CTNNA2: variants seen among roughly 807,000 people sequenced by gnomAD.
The protein encoded by CTNNA2 is catenin alpha 2.
In CTNNA2, 42 loss-of-function variants were observed where a neutral mutation model predicts 101.0. The observed-to-expected ratio is 0.42, with a 90% CI of 0.32 to 0.54. The LOEUF is 0.54. Ranked by LOEUF, CTNNA2 falls within the 20% of genes least tolerant of loss-of-function variation. CTNNA2 has a pLI of 0.14. For missense variants in CTNNA2, 871 were observed against 1,223.1 expected (o/e 0.71, Z 4.29); for synonymous variants, 450 against 456.4 (o/e 0.99, Z 0.18).
At chr2:79,699,103 A>C (rs1346969997) in intron 2 of CTNNA2, among the ~76,000 whole-genome samples, 1 of 152,102 alleles carries the variant, frequency 6.6e-6, no homozygotes, top group Admixed American at 6.6e-5. Context: ...ATGTAGTACT[A>C]ACTAAAAAAC....
chr2:79,695,716 T>G (rs1478135006), intron 2 of CTNNA2, among the ~76,000 whole-genome samples: 1 of 151,966 alleles, frequency 6.6e-6, no homozygotes, highest in African/African-American at 2.4e-5. Context: ...GGCAGCATGC[T>G]GGTTTCGTTT....
chr2:79,796,394 C>CAAAAAA (rs386390569), intron 3 of CTNNA2, among the ~76,000 whole-genome samples: 1,789 of 94,672 alleles, frequency 0.019, 87 homozygotes, highest in African/African-American at 0.06. Flanking sequence ...GACTCCGTCT[C>CAAAAAA]AAAAAAAAAA....
chr2:79,394,057 C>A (rs911084060), intron 4 of CTNNA2, among the ~76,000 whole-genome samples: 14 of 152,050 alleles, frequency 9.2e-5, no homozygotes, highest in African/African-American at 3.4e-4. Flanking sequence ...GCTTTGCACT[C>A]ATGATTAACG....
intron 4 of CTNNA2, among the ~76,000 whole-genome samples, chr2:79,440,588 A>G (rs920865211): frequency 1.3e-5 from 2 of 152,150 alleles, no homozygotes; most frequent in East Asian, 3.9e-4. Context: ...TCATTTCTAG[A>G]GCTGAATACA....
At chr2:79,771,149 C>T (rs1673543285) in intron 3 of CTNNA2, among the ~76,000 whole-genome samples, 1 of 152,126 alleles carries the variant, frequency 6.6e-6, no homozygotes, top group South Asian at 2.1e-4. Flanking sequence ...GTGGTTTGTA[C>T]TTATTTTAAA....
At chr2:79,952,281 C>A (rs1380872394) in intron 7 of CTNNA2, among the ~76,000 whole-genome samples, 1 of 152,124 alleles carries the variant, frequency 6.6e-6, no homozygotes, top group Non-Finnish European at 1.5e-5. Flanking sequence ...TTCTACCAAG[C>A]CACCCCACAC....
chr2:80,346,307 A>G (rs1672730094), intron 7 of CTNNA2, among the ~76,000 whole-genome samples: 1 of 152,198 alleles, frequency 6.6e-6, no homozygotes, highest in Non-Finnish European at 1.5e-5. Flanking sequence ...GGAAGGCCCC[A>G]GGAAGCTTTT....
intron 8 of CTNNA2, among the ~76,000 whole-genome samples, chr2:80,413,294 A>C (rs1410313679): frequency 6.6e-6 from 1 of 152,168 alleles, no homozygotes; most frequent in African/African-American, 2.4e-5. Context: ...TGATAGAGCT[A>C]ATTGGTTCCA....
chr2:80,183,454 G>A (rs1705917960), intron 7 of CTNNA2, among the ~76,000 whole-genome samples: 2 of 152,168 alleles, frequency 1.3e-5, no homozygotes, highest in South Asian at 4.1e-4. Context: ...AAAATGCTGT[G>A]TAAAAAGAAT....
intron 18 of CTNNA2, among the ~76,000 whole-genome samples, chr2:80,623,434 A>G (rs1671349857): frequency 6.6e-6 from 1 of 151,936 alleles, no homozygotes; most frequent in African/African-American, 2.4e-5. Context: ...ATATCTCAGA[A>G]AAGAAACGAA....
intron 2 of CTNNA2, among the ~76,000 whole-genome samples, chr2:79,215,623 C>T (rs574742406): frequency 6.6e-6 from 1 of 152,202 alleles, no homozygotes; most frequent in African/African-American, 2.4e-5. Flanking sequence ...TGCTGTCAAA[C>T]GAGTCATGTA....
chr2:79,514,334 C>CT (rs1671691620), intron 1 of CTNNA2, among the ~76,000 whole-genome samples: 1 of 152,194 alleles, frequency 6.6e-6, no homozygotes, highest in South Asian at 2.1e-4. Context: ...GCATTAGAGC[C>CT]TTTAACAGAC....
intron 4 of CTNNA2, among the ~76,000 whole-genome samples, chr2:79,432,945 C>T (rs145950402): frequency 9.9e-5 from 15 of 152,278 alleles, no homozygotes; most frequent in African/African-American, 3.6e-4. Flanking sequence ...AAACAAATGG[C>T]AAAGTTGGAT....
intron 3 of CTNNA2, among the ~76,000 whole-genome samples, chr2:79,793,956 T>C (rs547811957): frequency 2.0e-5 from 3 of 148,534 alleles, no homozygotes; most frequent in African/African-American, 5.1e-5. Context: ...ATAAGAATGA[T>C]ACAATGGACT....
At chr2:79,973,397 G>C (rs1179504883) in intron 7 of CTNNA2, among the ~76,000 whole-genome samples, 5 of 152,094 alleles carry the variant, frequency 3.3e-5, no homozygotes, top group Non-Finnish European at 5.9e-5. Flanking sequence ...CTATCTGTTG[G>C]GTACTTGCAA....
chr2:79,242,991 TATACACACAC>T (rs1674648342), intron 2 of CTNNA2, among the ~76,000 whole-genome samples: 1 of 120,922 alleles, frequency 8.3e-6, no homozygotes, highest in Non-Finnish European at 1.7e-5. Context: ...TATATATATA[TATACACACAC>T]ACACACACAC....
At chr2:79,689,628 T>C (rs954430617) in intron 2 of CTNNA2, among the ~76,000 whole-genome samples, 1 of 151,630 alleles carries the variant, frequency 6.6e-6, no homozygotes, top group African/African-American at 2.4e-5. Flanking sequence ...AAGAAAAAGG[T>C]AGCAAAAAAG....
intron 7 of CTNNA2, among the ~76,000 whole-genome samples, chr2:79,979,076 T>A (rs1203556222): frequency 4.6e-5 from 7 of 152,236 alleles, no homozygotes; most frequent in Non-Finnish European, 2.9e-5. Flanking sequence ...ATCACACTCT[T>A]GGATGAAAGC....
intron 3 of CTNNA2, among the ~76,000 whole-genome samples, chr2:79,814,363 C>T (rs531348008): frequency 1.3e-5 from 2 of 151,984 alleles, no homozygotes; most frequent in South Asian, 2.1e-4. Flanking sequence ...TACACTGCAC[C>T]GTATTTGTAG....
Sources: gnomAD v4.1 joint callset for allele counts (sites outside exome capture counted in the v4.1 genomes callset) on GRCh38, gnomAD v4.1.1 for gene constraint, MANE v1.5 for transcripts, NCBI Gene and HGNC (gene_info 2026-07-23, HGNC 2026-07-21) for gene names.